PRKG1: variants seen among roughly 807,000 people sequenced by gnomAD.
The protein encoded by PRKG1 is cGMP-dependent protein kinase 1.
Under a neutral mutation model 88.1 loss-of-function variants are expected in PRKG1, and 35 were observed. The ratio of observed to expected loss-of-function variants is 0.40; its 90% CI spans 0.30 to 0.53. The LOEUF (loss-of-function observed/expected upper bound fraction) is 0.53, where lower values mean the gene tolerates loss of function less well. Ranked by LOEUF, PRKG1 falls within the 20% of genes least tolerant of loss-of-function variation. PRKG1 has a pLI of 0.59. For synonymous variants in PRKG1, 303 were observed against 292.5 expected, an observed-to-expected ratio of 1.04 and a Z score of -0.37; for missense variants, 540 against 839.8, an observed-to-expected ratio of 0.64 and a Z score of 4.41.
At chr10:52,091,562 T>A (rs909613767) in intron 7 of PRKG1, among the ~76,000 whole-genome samples, 1 of 152,200 alleles carries the variant, frequency 6.6e-6, no homozygotes, top group African/African-American at 2.4e-5. Flanking sequence ...GTTCCTAACA[T>A]GTGGACAAAT....
At chr10:51,977,449 A>G (rs1843875037) in intron 5 of PRKG1, among the ~76,000 whole-genome samples, 1 of 151,950 alleles carries the variant, frequency 6.6e-6, no homozygotes, top group Non-Finnish European at 1.5e-5. Context: ...CTGTCTCTTT[A>G]TAGTAGAATG....
intron 10 of PRKG1, 127 bp from the exon 11 acceptor site, chr10:52,271,223 A>T (rs1162672237): frequency 3.6e-5 from 34 of 947,586 alleles, no homozygotes; most frequent in Non-Finnish European, 5.1e-5. Context: ...CCAAGGATTT[A>T]CTGTGTTTTG....
intron 3 of PRKG1, among the ~76,000 whole-genome samples, chr10:51,763,475 A>G (rs1341587968): frequency 6.6e-6 from 1 of 151,128 alleles, no homozygotes; most frequent in Non-Finnish European, 1.5e-5. Context: ...CTGGTCTTGA[A>G]CTCCTGGTCT....
intron 6 of PRKG1, among the ~76,000 whole-genome samples, chr10:52,062,022 G>T (rs1367955403): frequency 6.6e-6 from 1 of 151,908 alleles, no homozygotes; most frequent in East Asian, 1.9e-4. Flanking sequence ...ATATGGGTAA[G>T]TAAATATATT....
chr10:52,264,667 A>G (rs1328853816), intron 10 of PRKG1, among the ~76,000 whole-genome samples: 1 of 152,078 alleles, frequency 6.6e-6, no homozygotes, highest in Non-Finnish European at 1.5e-5. Flanking sequence ...AATATTTGCC[A>G]TTCCTATTTT....
At chr10:51,053,431 G>C (rs1843589816) in intron 1 of PRKG1, among the ~76,000 whole-genome samples, 1 of 152,046 alleles carries the variant, frequency 6.6e-6, no homozygotes, top group South Asian at 2.1e-4. Flanking sequence ...GAGGCACATG[G>C]GATCTGTATG....
At chr10:51,158,516 G>A (rs1262449909) in intron 2 of PRKG1, among the ~76,000 whole-genome samples, 1 of 151,884 alleles carries the variant, frequency 6.6e-6, no homozygotes, top group African/African-American at 2.4e-5. Context: ...AACTTGAACA[G>A]CAATAGTTCA....
intron 3 of PRKG1, among the ~76,000 whole-genome samples, chr10:51,770,267 A>G (rs758698442): frequency 3.9e-5 from 6 of 152,214 alleles, no homozygotes; most frequent in Non-Finnish European, 7.3e-5. Flanking sequence ...CACTATCTGA[A>G]CAGTAAAAGA....
intron 1 of PRKG1, among the ~76,000 whole-genome samples, chr10:51,063,488 A>G (rs899265543): frequency 1.3e-5 from 2 of 152,212 alleles, no homozygotes; most frequent in African/African-American, 4.8e-5. Flanking sequence ...CTAAACATAG[A>G]AAAGGTACAG....
intron 9 of PRKG1, among the ~76,000 whole-genome samples, chr10:52,211,805 T>C (rs571963901): frequency 1.3e-5 from 2 of 151,850 alleles, no homozygotes; most frequent in African/African-American, 4.8e-5. Flanking sequence ...ACTTAAATGA[T>C]CTGCTAATAA....
chr10:51,620,462 G>A (rs1839178124), intron 3 of PRKG1, among the ~76,000 whole-genome samples: 1 of 151,962 alleles, frequency 6.6e-6, no homozygotes. Flanking sequence ...TTTTGGTACA[G>A]TCCTAGGTAA....
chr10:52,112,177 C>T (rs956604550), intron 7 of PRKG1, among the ~76,000 whole-genome samples: 3 of 152,172 alleles, frequency 2.0e-5, no homozygotes, highest in African/African-American at 7.2e-5. Flanking sequence ...TGGTCAATAT[C>T]TCCTTTTTCA....
At chr10:51,868,190 G>T (rs1001757237) in intron 4 of PRKG1, among the ~76,000 whole-genome samples, 3 of 152,162 alleles carry the variant, frequency 2.0e-5, no homozygotes, top group African/African-American at 7.2e-5. Flanking sequence ...ACAAAGATGG[G>T]ATTTGATTAC....
chr10:52,149,072 G>A (rs550453319), intron 8 of PRKG1, among the ~76,000 whole-genome samples: 2 of 150,026 alleles, frequency 1.3e-5, no homozygotes, highest in African/African-American at 4.9e-5. Context: ...GTAATTGATG[G>A]AGCAAGAGTC....
chr10:51,896,066 G>T (rs186537811), intron 4 of PRKG1, among the ~76,000 whole-genome samples: 172 of 152,260 alleles, frequency 1.1e-3, no homozygotes, highest in Non-Finnish European at 2.0e-3. Flanking sequence ...TTGAGGAAGA[G>T]TTAAACAATG....
At chr10:51,856,747 C>G (rs1050269729) in intron 4 of PRKG1, among the ~76,000 whole-genome samples, 3 of 151,764 alleles carry the variant, frequency 2.0e-5, no homozygotes, top group Non-Finnish European at 2.9e-5. Flanking sequence ...AGGTGGATCA[C>G]GAGGTCAGGA....
At chr10:51,707,401 C>G (rs970711942) in intron 3 of PRKG1, among the ~76,000 whole-genome samples, 1 of 152,126 alleles carries the variant, frequency 6.6e-6, no homozygotes, top group Non-Finnish European at 1.5e-5. Context: ...TGTGCACTGG[C>G]AGACGTAGGC....
chr10:51,392,567 A>G (rs958486720), intron 2 of PRKG1, among the ~76,000 whole-genome samples: 1 of 151,718 alleles, frequency 6.6e-6, no homozygotes, highest in African/African-American at 2.4e-5. Context: ...CGATTTCTCA[A>G]TCTTTTCCCC....
intron 2 of PRKG1, among the ~76,000 whole-genome samples, chr10:51,433,409 G>A (rs1838827531): frequency 6.6e-6 from 1 of 151,978 alleles, no homozygotes; most frequent in South Asian, 2.1e-4. Context: ...TGGAGCCTTG[G>A]GATTCTCCTA....
Sources: allele counts gnomAD v4.1 joint callset (sites outside exome capture counted in the v4.1 genomes callset), GRCh38; gene constraint gnomAD v4.1.1; transcripts MANE v1.5; gene names NCBI Gene and HGNC (gene_info 2026-07-23, HGNC 2026-07-21).